Variants in CTNNA3 observed in about 807,000 individuals in gnomAD.
CTNNA3 encodes catenin alpha 3, also known as catenin alpha-3.
CTNNA3 carries 76 observed loss-of-function variants against 95.7 expected under a neutral mutation model. That is an observed-to-expected ratio of 0.79 (90% CI 0.66 to 0.96). CTNNA3 has a LOEUF of 0.96. Ranked by LOEUF, CTNNA3 falls within the 40% of genes least tolerant of loss-of-function variation. The pLI is 0.00. For synonymous variants in CTNNA3, 431 were observed against 374.4 expected (o/e 1.15, Z -1.74); for missense variants, 1,191 against 1,089.8 (o/e 1.09, Z -1.31).
chr10:67,149,268 T>C (rs1366851580), intron 7 of CTNNA3, among the ~76,000 whole-genome samples: 1 of 152,082 alleles, frequency 6.6e-6, no homozygotes, highest in Non-Finnish European at 1.5e-5. Flanking sequence ...TCTTCAACTA[T>C]AAGTAAGGGG....
intron 5 of CTNNA3, among the ~76,000 whole-genome samples, chr10:67,435,210 C>T (rs1261926252): frequency 6.6e-6 from 1 of 151,934 alleles, no homozygotes; most frequent in Non-Finnish European, 1.5e-5. Context: ...GTAATTACTG[C>T]TCCTTTCTGG....
At position 65,927,607 on chromosome 10, in the gene CTNNA3, C is replaced by T. The variant is rs117336644; in HGVS notation, c.2401-6990G>A. Among the ~76,000 whole-genome samples, 9 of 152,232 alleles carry T rather than the reference C, an allele frequency of 5.9e-5. No individual in the cohort carries two copies. The South Asian group carries it at 8.3e-4, about 14-fold the overall frequency. On this transcript the variant is annotated intron_variant, in intron 17 of 17. Transcript: ENST00000433211. ...CATGGCATTACATGTGTAAGCTTCA[C>T]GTATGTTGCTGCATGTACCAGTAGT...
At chr10:67,053,077 C>T (rs1388614245) in intron 7 of CTNNA3, among the ~76,000 whole-genome samples, 1 of 152,142 alleles carries the variant, frequency 6.6e-6, no homozygotes, top group Non-Finnish European at 1.5e-5. Flanking sequence ...ATACCATCCC[C>T]TAAAACATGA....
At chr10:67,520,202 T>C (rs139651531) in intron 5 of CTNNA3, among the ~76,000 whole-genome samples, 269 of 152,316 alleles carry the variant, frequency 1.8e-3, no homozygotes, top group Non-Finnish European at 2.9e-3. Context: ...ATAAATAGTA[T>C]AGATGATTTA....
intron 13 of CTNNA3, among the ~76,000 whole-genome samples, chr10:66,265,358 T>A (rs912492226): frequency 6.6e-6 from 1 of 151,988 alleles, no homozygotes; most frequent in East Asian, 1.9e-4. Context: ...ACTGCTTGAT[T>A]AACATACTTT....
At chr10:67,242,921 C>T (rs1865769830) in intron 5 of CTNNA3, among the ~76,000 whole-genome samples, 1 of 152,178 alleles carries the variant, frequency 6.6e-6, no homozygotes, top group Non-Finnish European at 1.5e-5. Context: ...ACAATTCCTA[C>T]CTTTTAGGGT....
intron 7 of CTNNA3, among the ~76,000 whole-genome samples, chr10:67,114,709 G>GGTGGGTGTGT (rs932746570): frequency 2.1e-5 from 3 of 144,754 alleles, no homozygotes; most frequent in African/African-American, 7.8e-5. Context: ...GGTTCTTAAA[G>GGTGGGTGTGT]GTGTGTGTGT....
At chr10:66,258,468 C>G (rs1466287552) in intron 13 of CTNNA3, among the ~76,000 whole-genome samples, 1 of 152,082 alleles carries the variant, frequency 6.6e-6, no homozygotes, top group African/African-American at 2.4e-5. Flanking sequence ...TTATATGAAG[C>G]CCTCCAGGGA....
intron 5 of CTNNA3, among the ~76,000 whole-genome samples, chr10:67,505,861 T>A (rs752011471): frequency 6.6e-6 from 1 of 152,194 alleles, no homozygotes; most frequent in South Asian, 2.1e-4. Flanking sequence ...TATACTAATA[T>A]GAGCAGAATT....
At chr10:66,995,192 C>T (rs371157805) in intron 7 of CTNNA3, among the ~76,000 whole-genome samples, 3 of 152,272 alleles carry the variant, frequency 2.0e-5, no homozygotes, top group East Asian at 3.9e-4. Context: ...TACTCTCCTC[C>T]TTTTGTATTT....
rs111817438 is a variant in CTNNA3 at position 67,595,597 on chromosome 10, G to T, written c.292+11260C>A. On this transcript the variant is annotated intron_variant, in intron 3 of 17. Transcript: ENST00000433211. ...AGTATGTGCCATGTGCAGATGAGAAGAATGTATATTCTGTGGTTGGGTGGA... is the reference window on the plus strand; with the variant it reads ...AGTATGTGCCATGTGCAGATGAGAATAATGTATATTCTGTGGTTGGGTGGA... 8.7e-3 allele frequency among the ~76,000 whole-genome samples: 1,331 copies of T among 152,282 alleles called. 24 individuals are homozygous for T. Among genetic ancestry groups the T allele is most frequent in the African/African-American group, 0.03 (1,248 of 41,562 alleles).
chr10:67,526,349 ATTTTT>A (rs34051034), intron 4 of CTNNA3, among the ~76,000 whole-genome samples: 7 of 135,668 alleles, frequency 5.2e-5, no homozygotes, highest in Admixed American at 7.4e-5. Flanking sequence ...ATCTCAAATG[ATTTTT>A]TTTTTTTTTT....
At chr10:67,696,833 A>G (rs1564834500), upstream of CTNNA3, among the ~76,000 whole-genome samples, 1 of 151,974 alleles carries the variant, frequency 6.6e-6, no homozygotes, top group African/African-American at 2.4e-5. Context: ...CCACTGAAAC[A>G]ATCTTTATCA....
At chr10:66,953,900 C>T (rs1848663722) in intron 7 of CTNNA3, among the ~76,000 whole-genome samples, 1 of 152,102 alleles carries the variant, frequency 6.6e-6, no homozygotes, top group Admixed American at 6.6e-5. Flanking sequence ...CATTCTGAAC[C>T]TTCATTTCCT....
At chr10:67,724,861 A>G (rs1272180371) in intron 1 of CTNNA3, among the ~76,000 whole-genome samples, 1 of 152,202 alleles carries the variant, frequency 6.6e-6, no homozygotes. Context: ...TGTAATAATT[A>G]GAGGCTTAGG....
chr10:67,180,205 A>G lies in CTNNA3; in HGVS notation c.1047+112T>C, dbSNP rs548159335. ...CACTTAGAAAATCAACCTATGTAAA[A>G]TCACATACTCATTTGTAATTTACCC... On this transcript the variant is annotated intron_variant, in intron 7 of 17. Transcript: ENST00000433211. The G allele has an allele frequency of 1.1e-5, 10 of 922,554 alleles. No homozygotes were observed. In the African/African-American group the frequency reaches 1.6e-4, roughly 15 times the overall value. The allele number at this position is 922,554 out of a possible 1,614,324, so 57.1% of individuals were successfully genotyped here. A position where few individuals can be genotyped will look rare whatever the true frequency, so the allele number is the denominator to read the frequency against.
chr10:66,105,658 A>G (rs1376920463), intron 13 of CTNNA3, among the ~76,000 whole-genome samples: 1 of 152,164 alleles, frequency 6.6e-6, no homozygotes, highest in Non-Finnish European at 1.5e-5. Context: ...TTACACCCAC[A>G]TACTTCTGTG....
intron 13 of CTNNA3, among the ~76,000 whole-genome samples, chr10:66,192,840 T>G (rs962108224): frequency 5.9e-5 from 9 of 152,188 alleles, no homozygotes; most frequent in Non-Finnish European, 1.3e-4. Flanking sequence ...CTTAAAATTG[T>G]TAATCCTGAT....
At chr10:66,128,990 C>A (rs1003348576) in intron 13 of CTNNA3, among the ~76,000 whole-genome samples, 2 of 151,778 alleles carry the variant, frequency 1.3e-5, no homozygotes, top group African/African-American at 4.8e-5. Flanking sequence ...CTTGGCTGGG[C>A]GCAGTGGCTC....
Sources: gnomAD v4.1 joint callset for allele counts (sites outside exome capture counted in the v4.1 genomes callset) on GRCh38, gnomAD v4.1.1 for gene constraint, MANE v1.5 for transcripts, NCBI Gene and HGNC (gene_info 2026-07-23, HGNC 2026-07-21) for gene names.